The following FLVCR2 variants were observed in gnomAD, a reference collection of about 807,000 sequenced individuals.
FLVCR2 encodes the protein FLVCR choline and putative heme transporter 2.
FLVCR2 carries 38 observed loss-of-function variants against 48.9 expected under a neutral mutation model. The ratio of observed to expected loss-of-function variants is 0.78; its 90% CI spans 0.60 to 1.02. The LOEUF is 1.02. Ranked by LOEUF, FLVCR2 falls within the 50% of genes least tolerant of loss-of-function variation. The pLI is 0.00. For synonymous variants in FLVCR2, 255 were observed against 257.0 expected (o/e 0.99, Z 0.07); for missense variants, 664 against 663.3 (o/e 1.00, Z -0.01).
At position 75,634,855 on chromosome 14, in the gene FLVCR2, CT is replaced by C; in HGVS notation, c.1021-54del. 4 of 1,201,802 alleles carry C rather than the reference CT, an allele frequency of 3.3e-6. 1 individual carries two copies. The South Asian group carries it at 3.7e-5, about 11-fold the overall frequency. 74.4% of individuals were successfully genotyped at this position (1,201,802 alleles called of 1,614,324 possible). On this transcript the variant is annotated intron_variant, in intron 4 of 9. Coordinates refer to ENST00000238667, the MANE Select transcript of FLVCR2 (RefSeq NM_017791.3). ...TCCTTCACCCCATGGTGACTGTGCT[CT>C]GTCCTGGGTCTTGTCCCATCGCCGG... is the stretch of plus-strand genomic sequence containing the variant.
In FLVCR2 at chr14:75,635,027, C is replaced by T. The variant is rs372396694; in HGVS notation, c.1124+14C>T. On this transcript the variant is annotated intron_variant, in intron 5 of 9. Transcript: ENST00000238667. ...CAAAACCTACAAGTAAGTGACTCAT[C>T]CTCTTGGACTGAGAATTGGGGACCT... is the stretch of plus-strand genomic sequence containing the variant. 107 of 1,518,710 alleles carry T rather than the reference C, an allele frequency of 7.0e-5. No homozygotes were observed. Among genetic ancestry groups the T allele is most frequent in the South Asian group, 9.0e-5 (8 of 88,922 alleles). The allele number at this position is 1,518,710 out of a possible 1,614,324, so 94.1% of individuals were successfully genotyped here.
chr14:75,587,523 T>G (rs1443271224), intron 1 of FLVCR2, among the ~76,000 whole-genome samples: 1 of 151,842 alleles, frequency 6.6e-6, no homozygotes, highest in East Asian at 1.9e-4. Context: ...GAGGGTGGAG[T>G]CTTTAGCAGG....
intron 9 of FLVCR2, among the ~76,000 whole-genome samples, chr14:75,643,322 T>C (rs1474471785): frequency 1.3e-5 from 2 of 152,240 alleles, no homozygotes; most frequent in African/African-American, 4.8e-5. Flanking sequence ...TGTTCTCAAG[T>C]ACCATATTTC....
intron 1 of FLVCR2, among the ~76,000 whole-genome samples, chr14:75,600,309 A>G (rs908952095): frequency 2.0e-5 from 3 of 152,160 alleles, no homozygotes; most frequent in Admixed American, 6.5e-5. Context: ...GGAATTGCCC[A>G]CCCCTTTCCC....
chr14:75,630,615 G>A (rs892428429), intron 3 of FLVCR2, among the ~76,000 whole-genome samples: 1 of 152,122 alleles, frequency 6.6e-6, no homozygotes, highest in Non-Finnish European at 1.5e-5. Flanking sequence ...CAGCACTTTG[G>A]GTGGCCAAAG....
At position 75,624,603 on chromosome 14, in the gene FLVCR2, T is replaced by C. The variant is rs752196768; in HGVS notation, c.812-9T>C. 5.6e-6 allele frequency: 9 copies of C among 1,614,010 alleles called. No individual in the cohort carries two copies. The highest frequency in any genetic ancestry group is 4.4e-5 in the South Asian group (4 of 91,084). On this transcript the variant is annotated splice_polypyrimidine_tract_variant and intron_variant, in intron 2 of 9. Coordinates refer to ENST00000238667, the MANE Select transcript of FLVCR2 (RefSeq NM_017791.3). ...GAATTTTCAGCCATCTCTGTTTTTT[T>C]CCTTTCAGTGTTCAAGGAGAAACCT...
At chr14:75,584,367 C>T (rs1888686032) in intron 1 of FLVCR2, among the ~76,000 whole-genome samples, 2 of 152,140 alleles carry the variant, frequency 1.3e-5, no homozygotes, top group African/African-American at 2.4e-5. Context: ...ATTTTTGAAG[C>T]TTTTTTCTAA....
At chr14:75,629,389 A>C (rs1291847457) in intron 3 of FLVCR2, among the ~76,000 whole-genome samples, 3 of 152,154 alleles carry the variant, frequency 2.0e-5, no homozygotes, top group Non-Finnish European at 4.4e-5. Context: ...ATGTTGCGGA[A>C]ATATCATATC....
chr14:75,596,045 G>A, intron 1 of FLVCR2: 2 of 1,291,416 alleles, frequency 1.5e-6, no homozygotes, highest in East Asian at 2.3e-5. Flanking sequence ...ATACAAAGAT[G>A]ACATCCAGTG....
At chr14:75,634,827 T>A in intron 4 of FLVCR2, 83 bp from the exon 5 acceptor site, 3 of 878,838 alleles carry the variant, frequency 3.4e-6, no homozygotes, top group Non-Finnish European at 5.7e-6. Context: ...TACCTGCCTT[T>A]GTTCCTTCAC....
At chr14:75,631,798 C>T (rs1163627995) in intron 3 of FLVCR2, 3 of 455,952 alleles carry the variant, frequency 6.6e-6, no homozygotes, top group African/African-American at 6.0e-5. Flanking sequence ...GATCTCTTCA[C>T]TCGGAAATGG....
chr14:75,598,435 T>C (rs930742909), intron 1 of FLVCR2, among the ~76,000 whole-genome samples: 2 of 152,184 alleles, frequency 1.3e-5, no homozygotes, highest in Non-Finnish European at 2.9e-5. Flanking sequence ...GCCTTGGCTT[T>C]TTATATTTTT....
intron 3 of FLVCR2, among the ~76,000 whole-genome samples, chr14:75,630,374 G>A (rs1890012662): frequency 6.6e-6 from 1 of 152,260 alleles, no homozygotes; most frequent in Non-Finnish European, 1.5e-5. Context: ...TGAAGGCCAT[G>A]TATTCTCAAA....
Position 75,646,693 on chromosome 14 carries a change from C to T in FLVCR2, c.*221C>T. On this transcript the variant is annotated 3_prime_UTR_variant, in exon 10 of 10. Coordinates refer to ENST00000238667, the MANE Select transcript of FLVCR2 (RefSeq NM_017791.3). Reference sequence around the variant, plus strand: ...TCACCAAATGCAAATTTGATTCCCACCTCCACCCCCTTTTAGGTTATGGGA... The same window carrying T: ...TCACCAAATGCAAATTTGATTCCCATCTCCACCCCCTTTTAGGTTATGGGA... 1 of 569,234 alleles carries T rather than the reference C, an allele frequency of 1.8e-6. No individual in the cohort carries two copies. The highest frequency in any genetic ancestry group is 3.3e-6 in the Non-Finnish European group (1 of 306,772). The allele number at this position is 569,234 out of a possible 1,614,324, so 35.3% of individuals were successfully genotyped here. A position where few individuals can be genotyped will look rare whatever the true frequency, so the allele number is the denominator to read the frequency against.
chr14:75,612,430 G>A (rs1889483791), intron 1 of FLVCR2, among the ~76,000 whole-genome samples: 1 of 152,192 alleles, frequency 6.6e-6, no homozygotes, highest in Non-Finnish European at 1.5e-5. Flanking sequence ...TACTCCCTAA[G>A]TTCTTAGAGA....
chr14:75,601,407 AT>A (rs1889163768), intron 1 of FLVCR2, among the ~76,000 whole-genome samples: 1 of 152,220 alleles, frequency 6.6e-6, no homozygotes, highest in Non-Finnish European at 1.5e-5. Context: ...TTATGGCCAG[AT>A]TTTGGGGGGC....
intron 5 of FLVCR2, among the ~76,000 whole-genome samples, chr14:75,638,394 G>A (rs1201702001): frequency 2.0e-5 from 3 of 152,014 alleles, no homozygotes; most frequent in Admixed American, 1.3e-4. Context: ...CTGAGATCAC[G>A]CCACTGCACC....
At chr14:75,625,298 T>C (rs1162609238) in intron 3 of FLVCR2, among the ~76,000 whole-genome samples, 1 of 151,126 alleles carries the variant, frequency 6.6e-6, no homozygotes, top group Admixed American at 6.6e-5. Flanking sequence ...AATTGACTTC[T>C]ATTTTATCTG....
intron 1 of FLVCR2, among the ~76,000 whole-genome samples, chr14:75,601,176 G>T (rs1433768244): frequency 6.6e-6 from 1 of 152,284 alleles, no homozygotes; most frequent in African/African-American, 2.4e-5. Context: ...GAAGGGATGG[G>T]CTGAATTAAT....
Sources: allele counts gnomAD v4.1 joint callset (sites outside exome capture counted in the v4.1 genomes callset), GRCh38; gene constraint gnomAD v4.1.1; transcripts MANE v1.5; gene names NCBI Gene and HGNC (gene_info 2026-07-23, HGNC 2026-07-21).